Variants in PGBD5 observed in about 807,000 individuals in gnomAD.
PGBD5 encodes piggyBac transposable element derived 5, also known as piggyBac transposable element-derived protein 5.
In PGBD5, 14 loss-of-function variants were observed where a neutral mutation model predicts 47.9. That is an observed-to-expected ratio of 0.29 (90% CI 0.19 to 0.46). The LOEUF (loss-of-function observed/expected upper bound fraction) is 0.46, where lower values mean the gene tolerates loss of function less well. Ranked by LOEUF, PGBD5 falls within the 20% of genes least tolerant of loss-of-function variation. The pLI is 1.00. For missense variants in PGBD5, 635 were observed against 716.0 expected, an observed-to-expected ratio of 0.89 and a Z score of 1.29; for synonymous variants, 316 against 306.3, an observed-to-expected ratio of 1.03 and a Z score of -0.33.
chr1:230,392,533 A>G (rs1228189105), intron 1 of PGBD5, among the ~76,000 whole-genome samples: 1 of 152,206 alleles, frequency 6.6e-6, no homozygotes, highest in Non-Finnish European at 1.5e-5. Flanking sequence ...TCCGGCTCGC[A>G]GGAGCCCTGG....
At chr1:230,343,552 C>T (rs974117490) in intron 3 of PGBD5, among the ~76,000 whole-genome samples, 2 of 152,202 alleles carry the variant, frequency 1.3e-5, no homozygotes, top group African/African-American at 4.8e-5. Flanking sequence ...TGTCTTCTGC[C>T]TCAGCCAATC....
At chr1:230,377,894 C>G (rs1007885075) in intron 1 of PGBD5, among the ~76,000 whole-genome samples, 1 of 152,160 alleles carries the variant, frequency 6.6e-6, no homozygotes, top group Non-Finnish European at 1.5e-5. Flanking sequence ...TTCTTAAAGA[C>G]CAGTGAGGCC....
At chr1:230,349,347 G>A (rs1334103122) in intron 3 of PGBD5, among the ~76,000 whole-genome samples, 3 of 152,102 alleles carry the variant, frequency 2.0e-5, no homozygotes, top group Non-Finnish European at 4.4e-5. Flanking sequence ...GGGCAACACA[G>A]TGAGACTCCA....
rs1000521860 is a variant in PGBD5, at chr1:230,317,793, C to T, written c.*5632G>A. The T allele has an allele frequency of 1.3e-5, 2 of 152,234 alleles. No individual in the cohort carries two copies. Among genetic ancestry groups the T allele is most frequent in the African/African-American group, 4.8e-5 (2 of 41,424 alleles). The allele number at this position is 152,234 out of a possible 1,614,324, so 9.4% of individuals were successfully genotyped here. ...CTCCCCGCCCTTTCTGTTTTCATCT[C>T]CAAATACATGCACACAAGGTCAAGC... On this transcript the variant is annotated 3_prime_UTR_variant, in exon 7 of 7. Coordinates refer to ENST00000391860, the MANE Select transcript of PGBD5 (RefSeq NM_001258311.2).
chr1:230,400,301 A>C (rs376710612), intron 1 of PGBD5, among the ~76,000 whole-genome samples: 2 of 151,994 alleles, frequency 1.3e-5, no homozygotes, highest in African/African-American at 4.8e-5. Flanking sequence ...AGGCCTGCCC[A>C]CCCTATTTAA....
At chr1:230,400,592 G>A (rs1431720612) in intron 1 of PGBD5, among the ~76,000 whole-genome samples, 1 of 152,222 alleles carries the variant, frequency 6.6e-6, no homozygotes, top group Non-Finnish European at 1.5e-5. Flanking sequence ...CCAAAGAACA[G>A]TAGCAGGAGA....
At chr1:230,405,334 C>G (rs1657276654) in intron 1 of PGBD5, among the ~76,000 whole-genome samples, 1 of 152,136 alleles carries the variant, frequency 6.6e-6, no homozygotes, top group Admixed American at 6.6e-5. Context: ...AGACCAATCC[C>G]TCCTCATCCT....
intron 1 of PGBD5, among the ~76,000 whole-genome samples, chr1:230,392,469 T>C (rs1371948311): frequency 6.6e-6 from 1 of 152,152 alleles, no homozygotes; most frequent in East Asian, 1.9e-4. Context: ...TCCAGGCAGA[T>C]CTTCTCCCCC....
chr1:230,354,352 C>G (rs1667603286), intron 2 of PGBD5, among the ~76,000 whole-genome samples: 1 of 152,098 alleles, frequency 6.6e-6, no homozygotes. Context: ...CCTGCAGACC[C>G]TGAGCTGAGG....
At chr1:230,415,715 A>C (rs1657498009) in intron 1 of PGBD5, among the ~76,000 whole-genome samples, 1 of 152,138 alleles carries the variant, frequency 6.6e-6, no homozygotes, top group East Asian at 1.9e-4. Flanking sequence ...ATCTCACTCC[A>C]AGAGGTGCAG....
rs1668031231 is a variant in PGBD5, at chr1:230,377,502, G to A, written c.332-20181C>T. 3 of 1,612,686 alleles carry A rather than the reference G, an allele frequency of 1.9e-6. No individual in the cohort carries two copies. The African/African-American group carries it at 4.0e-5, about 22-fold the overall frequency. On this transcript the variant is annotated intron_variant, in intron 1 of 6. Coordinates refer to ENST00000391860, the MANE Select transcript of PGBD5 (RefSeq NM_001258311.2). ...GCCTTACTAAGACAGCTGTACCTGT[G>A]AATGAATCGCTTGGCTGCAGATCCC... is the stretch of plus-strand genomic sequence containing the variant.
intron 2 of PGBD5, among the ~76,000 whole-genome samples, chr1:230,353,769 C>T (rs928456646): frequency 6.6e-6 from 1 of 152,198 alleles, no homozygotes; most frequent in African/African-American, 2.4e-5. Flanking sequence ...CTGAGGCTTA[C>T]AAGCAAATCA....
intron 1 of PGBD5, among the ~76,000 whole-genome samples, chr1:230,377,075 AG>A (rs1668024225): frequency 6.6e-6 from 1 of 152,234 alleles, no homozygotes. Context: ...TGCAGAGCAG[AG>A]GTCAGTCTGG....
At chr1:230,369,388 A>T (rs1037970484) in intron 1 of PGBD5, among the ~76,000 whole-genome samples, 6 of 152,234 alleles carry the variant, frequency 3.9e-5, no homozygotes, top group African/African-American at 1.4e-4. Context: ...CTCCATGACC[A>T]GGGGCATGGG....
At chr1:230,367,001 C>T (rs897792292) in intron 1 of PGBD5, among the ~76,000 whole-genome samples, 8 of 152,106 alleles carry the variant, frequency 5.3e-5, no homozygotes, top group African/African-American at 1.4e-4. Flanking sequence ...TGGGACCTGA[C>T]GAGGAGGAAG....
At chr1:230,361,930 A>G (rs1262594291) in intron 1 of PGBD5, among the ~76,000 whole-genome samples, 1 of 152,250 alleles carries the variant, frequency 6.6e-6, no homozygotes, top group East Asian at 1.9e-4. Flanking sequence ...AAAAGCCATC[A>G]GCCCCAGTGG....
intron 6 of PGBD5, among the ~76,000 whole-genome samples, chr1:230,324,843 A>C (rs1421017387): frequency 6.6e-6 from 1 of 152,222 alleles, no homozygotes; most frequent in Non-Finnish European, 1.5e-5. Context: ...TGGTGATCTA[A>C]ATAGGCATCC....
chr1:230,392,999 G>C (rs1183023240), intron 1 of PGBD5, among the ~76,000 whole-genome samples: 2 of 150,284 alleles, frequency 1.3e-5, no homozygotes, highest in Non-Finnish European at 3.0e-5. Context: ...TGGTGGGCGG[G>C]GGAGCAAATC....
rs553252278 is a variant in PGBD5 at position 230,316,544 on chromosome 1, C to T, written c.*6881G>A. Reference sequence around the variant, plus strand: ...GGGGAAACTAGAAGTTTTAAAAAGACAGGAAAGTCTAGAGAAAGAACTAGT... The same window carrying T: ...GGGGAAACTAGAAGTTTTAAAAAGATAGGAAAGTCTAGAGAAAGAACTAGT... On this transcript the variant is annotated 3_prime_UTR_variant, in exon 7 of 7. Transcript: ENST00000391860. The T allele has an allele frequency of 6.6e-6, 1 of 152,252 alleles. No homozygotes were observed. The highest frequency in any genetic ancestry group is 1.9e-4 in the East Asian group (1 of 5,188). 9.4% of individuals were successfully genotyped at this position (152,252 alleles called of 1,614,324 possible). A position where few individuals can be genotyped will look rare whatever the true frequency, so the allele number is the denominator to read the frequency against.
Sources: gnomAD v4.1 joint callset for allele counts (sites outside exome capture counted in the v4.1 genomes callset) on GRCh38, gnomAD v4.1.1 for gene constraint, MANE v1.5 for transcripts, NCBI Gene and HGNC (gene_info 2026-07-23, HGNC 2026-07-21) for gene names.